The following GPHN variants were observed in gnomAD, a reference collection of about 807,000 sequenced individuals.
GPHN encodes the protein gephyrin.
In GPHN, 17 loss-of-function variants were observed where a neutral mutation model predicts 95.5. The observed-to-expected ratio is 0.18, with a 90% CI of 0.12 to 0.27. The LOEUF (loss-of-function observed/expected upper bound fraction) is 0.27, where lower values mean the gene tolerates loss of function less well. Ranked by LOEUF, GPHN falls within the 10% of genes least tolerant of loss-of-function variation. The pLI is 1.00. For missense variants in GPHN, 660 were observed against 978.1 expected (o/e 0.67, Z 4.34); for synonymous variants, 320 against 322.5 (o/e 0.99, Z 0.08).
the GPHN span, chr14:67,360,598 C>A: frequency 5.6e-6 from 1 of 177,178 alleles, no homozygotes; most frequent in African/African-American, 2.4e-5. Context: ...GCACCGCCAC[C>A]ACCCGCGCTG....
intron 2 of GPHN, among the ~76,000 whole-genome samples, chr14:66,686,964 C>T (rs1298764990): frequency 6.6e-6 from 1 of 152,060 alleles, no homozygotes; most frequent in African/African-American, 2.4e-5. Flanking sequence ...GCATGAGGGG[C>T]AGTTGAATTT....
At chr14:66,682,061 G>T (rs1004775473) in intron 2 of GPHN, among the ~76,000 whole-genome samples, 1 of 152,128 alleles carries the variant, frequency 6.6e-6, no homozygotes, top group African/African-American at 2.4e-5. Flanking sequence ...AGAATATCTT[G>T]AACTTGAAGA....
At chr14:66,566,761 G>C (rs573593720) in intron 1 of GPHN, among the ~76,000 whole-genome samples, 1 of 152,292 alleles carries the variant, frequency 6.6e-6, no homozygotes, top group Non-Finnish European at 1.5e-5. Context: ...TTGCAGAATA[G>C]AGCAGAGAAC....
downstream of GPHN, among the ~76,000 whole-genome samples, chr14:67,184,729 G>A (rs1257608473): frequency 2.0e-5 from 3 of 152,124 alleles, no homozygotes; most frequent in Non-Finnish European, 4.4e-5. Flanking sequence ...TACAGGTTAG[G>A]GGTTCACAGA....
chr14:66,591,844 C>T (rs1595121816), intron 1 of GPHN, among the ~76,000 whole-genome samples: 1 of 152,246 alleles, frequency 6.6e-6, no homozygotes, highest in East Asian at 1.9e-4. Context: ...GGCTATATAG[C>T]CAAGACAATC....
At chr14:67,341,146 T>A in the GPHN span, among the ~76,000 whole-genome samples, 1 of 151,674 alleles carries the variant, frequency 6.6e-6, no homozygotes, top group Admixed American at 6.6e-5. Flanking sequence ...TCGTCTGGGA[T>A]GTGAGGAGCC....
chr14:66,542,975 C>A (rs377432618), intron 1 of GPHN, among the ~76,000 whole-genome samples: 2 of 152,244 alleles, frequency 1.3e-5, no homozygotes, highest in Admixed American at 6.5e-5. Context: ...AGGAAACTTA[C>A]AATCAGGGCG....
At chr14:66,779,890 G>A (rs2059543155) in intron 3 of GPHN, among the ~76,000 whole-genome samples, 1 of 152,076 alleles carries the variant, frequency 6.6e-6, no homozygotes, top group African/African-American at 2.4e-5. Flanking sequence ...TGGTGAATGA[G>A]AAAAGTGATT....
At chr14:67,628,653 C>T in the GPHN span, among the ~76,000 whole-genome samples, 1 of 152,158 alleles carries the variant, frequency 6.6e-6, no homozygotes, top group Non-Finnish European at 1.5e-5. Flanking sequence ...TTGCTATTAT[C>T]CCATTTTCAT....
intron 9 of GPHN, among the ~76,000 whole-genome samples, chr14:67,002,836 T>A (rs1444761096): frequency 6.6e-6 from 1 of 151,650 alleles, no homozygotes; most frequent in Non-Finnish European, 1.5e-5. Flanking sequence ...TTATTTTTTG[T>A]TTCAACTAAC....
At chr14:66,963,937 T>A (rs1160411228) in intron 8 of GPHN, among the ~76,000 whole-genome samples, 1 of 152,176 alleles carries the variant, frequency 6.6e-6, no homozygotes, top group Non-Finnish European at 1.5e-5. Context: ...TCTTTTCACA[T>A]AGTAAGTGAT....
the GPHN span, chr14:67,227,537 A>G: frequency 6.6e-6 from 1 of 151,930 alleles, no homozygotes; most frequent in Non-Finnish European, 1.5e-5. Flanking sequence ...TTTTAATGGT[A>G]GAAAAAGTTA....
the GPHN span, among the ~76,000 whole-genome samples, chr14:67,623,943 C>G: frequency 3.9e-5 from 6 of 152,108 alleles, no homozygotes; most frequent in African/African-American, 1.4e-4. Context: ...TGGACTCAAG[C>G]GATCCTCCCA....
At chr14:66,818,829 C>G (rs181908265) in intron 3 of GPHN, among the ~76,000 whole-genome samples, 3 of 152,204 alleles carry the variant, frequency 2.0e-5, no homozygotes, top group Admixed American at 2.0e-4. Context: ...TTTTGATTTG[C>G]ATTTTGCTAA....
the GPHN span, among the ~76,000 whole-genome samples, chr14:67,551,588 G>A: frequency 7.9e-5 from 12 of 152,192 alleles, no homozygotes; most frequent in South Asian, 2.1e-4. Flanking sequence ...ATTCTCTCCC[G>A]TGGGTGCAAG....
chr14:67,427,482 C>T, the GPHN span, among the ~76,000 whole-genome samples: 1 of 152,158 alleles, frequency 6.6e-6, no homozygotes, highest in African/African-American at 2.4e-5. Context: ...CAGGGGCTTC[C>T]GTCGTTGTTC....
chr14:66,592,337 A>C (rs13047399), intron 1 of GPHN, among the ~76,000 whole-genome samples: 1 of 152,162 alleles, frequency 6.6e-6, no homozygotes, highest in African/African-American at 2.4e-5. Flanking sequence ...TCTGCACAGC[A>C]AAAGAAACTA....
chr14:66,776,093 A>G (rs2059372164), intron 2 of GPHN, among the ~76,000 whole-genome samples: 1 of 152,174 alleles, frequency 6.6e-6, no homozygotes, highest in Non-Finnish European at 1.5e-5. Context: ...AAGCTACTAT[A>G]AAAAGTAAAA....
chr14:67,055,392 A>G (rs888837078), intron 10 of GPHN, among the ~76,000 whole-genome samples: 1 of 152,188 alleles, frequency 6.6e-6, no homozygotes, highest in Non-Finnish European at 1.5e-5. Context: ...TCAGAATGGC[A>G]ATTATTAAAA....
Sources: allele counts gnomAD v4.1 joint callset (sites outside exome capture counted in the v4.1 genomes callset), GRCh38; gene constraint gnomAD v4.1.1; transcripts MANE v1.5; gene names NCBI Gene and HGNC (gene_info 2026-07-23, HGNC 2026-07-21).